ANO6: variants seen among roughly 807,000 people sequenced by gnomAD.
ANO6 encodes the protein anoctamin-6.
In ANO6, 106 loss-of-function variants were observed where a neutral mutation model predicts 117.5. The observed-to-expected ratio is 0.90, with a 90% CI of 0.77 to 1.06. The LOEUF (loss-of-function observed/expected upper bound fraction) is 1.06. Ranked by LOEUF, ANO6 falls within the 50% of genes least tolerant of loss-of-function variation. ANO6 has a pLI of 0.00. For synonymous variants in ANO6, 367 were observed against 385.1 expected (o/e 0.95, Z 0.55); for missense variants, 955 against 1,121.1 (o/e 0.85, Z 2.12).
intron 1 of ANO6, among the ~76,000 whole-genome samples, chr12:45,269,015 G>A (rs1305871128): frequency 6.6e-6 from 1 of 152,140 alleles, no homozygotes; most frequent in Non-Finnish European, 1.5e-5. Context: ...ACGCCTGGCC[G>A]CTCATTGGAT....
chr12:45,216,234 C>T lies in ANO6; in HGVS notation c.-88C>T. On this transcript the variant is annotated 5_prime_UTR_variant, in exon 1 of 20. Transcript: ENST00000320560. Reference sequence around the variant, plus strand: ...CAAGCGACACACGCCCCGCGGTCCCCGATCCGGCCCCTGGGAGAGCCGCGC... The same window carrying T: ...CAAGCGACACACGCCCCGCGGTCCCTGATCCGGCCCCTGGGAGAGCCGCGC... 1 of 1,467,162 alleles carries T rather than the reference C, an allele frequency of 6.8e-7. No individual in the cohort carries two copies. Among genetic ancestry groups the T allele is most frequent in the Non-Finnish European group, 9.3e-7 (1 of 1,071,736 alleles). The allele number at this position is 1,467,162 out of a possible 1,614,324, so 90.9% of individuals were successfully genotyped here.
At chr12:45,227,262 A>G (rs1592839474) in intron 1 of ANO6, among the ~76,000 whole-genome samples, 1 of 152,306 alleles carries the variant, frequency 6.6e-6, no homozygotes, top group East Asian at 1.9e-4. Flanking sequence ...AGTGATACCC[A>G]TAGTAAAGAA....
In ANO6 at chr12:45,432,316, A is replaced by G. The variant is rs1181445177; in HGVS notation, c.*3005A>G. ...TGCATTTTAATATTCTTTTATAATT[A>G]TGAGCATTTTAATAAATTCATTTTT... On this transcript the variant is annotated 3_prime_UTR_variant, in exon 20 of 20. Coordinates refer to ENST00000320560, the MANE Select transcript of ANO6 (RefSeq NM_001025356.3). 6.7e-6 allele frequency: 6 copies of G among 889,278 alleles called. No homozygotes were observed. The highest frequency in any genetic ancestry group is 8.1e-6 in the Non-Finnish European group (6 of 744,030). 55.1% of individuals were successfully genotyped at this position (889,278 alleles called of 1,614,324 possible).
chr12:45,334,831 T>C (rs759050290), intron 3 of ANO6, among the ~76,000 whole-genome samples: 4 of 152,054 alleles, frequency 2.6e-5, no homozygotes, highest in East Asian at 3.9e-4. Flanking sequence ...CAAATTCCCA[T>C]ATATTTCTCC....
intron 1 of ANO6, among the ~76,000 whole-genome samples, chr12:45,218,936 C>T (rs1403989471): frequency 1.3e-5 from 2 of 152,120 alleles, no homozygotes; most frequent in African/African-American, 2.4e-5. Context: ...CTTTATAATT[C>T]AGACTGGGAG....
chr12:45,270,362 T>A (rs1378452517), intron 1 of ANO6: 2 of 1,373,030 alleles, frequency 1.5e-6, no homozygotes, highest in East Asian at 5.8e-5. Context: ...GTCCTTGTTG[T>A]TACAGAGGCA....
In ANO6 at chr12:45,293,028, T is replaced by C. The variant is rs1939155878; in HGVS notation, c.71-8986T>C. On this transcript the variant is annotated intron_variant, in intron 1 of 19. Transcript: ENST00000320560. ...CTTTTTTATAAATATTGTCCAAATA[T>C]TTGATGAGTATTTGGTCTTGAAGGG... 11 of 1,512,130 alleles carry C rather than the reference T, an allele frequency of 7.3e-6. No homozygotes were observed. The South Asian group carries it at 1.4e-4, about 19-fold the overall frequency. The allele number at this position is 1,512,130 out of a possible 1,614,324, so 93.7% of individuals were successfully genotyped here.
intron 2 of ANO6, among the ~76,000 whole-genome samples, chr12:45,328,712 T>C (rs1237391516): frequency 3.3e-5 from 5 of 152,158 alleles, no homozygotes; most frequent in Non-Finnish European, 7.4e-5. Flanking sequence ...TACTGAAAAA[T>C]AGAAGATTCC....
chr12:45,328,463 A>AT (rs1274382308), intron 2 of ANO6, among the ~76,000 whole-genome samples: 2 of 151,996 alleles, frequency 1.3e-5, no homozygotes, highest in Admixed American at 1.3e-4. Flanking sequence ...TCTCTGCAAT[A>AT]TTTTTGCACC....
At chr12:45,222,947 C>T (rs181677029) in intron 1 of ANO6, among the ~76,000 whole-genome samples, 2 of 152,302 alleles carry the variant, frequency 1.3e-5, no homozygotes, top group African/African-American at 4.8e-5. Context: ...CATGACTATC[C>T]AATGAAGTCT....
At chr12:45,367,663 T>C (rs769270978) in intron 8 of ANO6, 25 bp from the exon 9 acceptor site, 1 of 1,591,802 alleles carries the variant, frequency 6.3e-7, no homozygotes, top group South Asian at 1.1e-5. Context: ...TTTTTTAAAA[T>C]TAAGTTTTAT....
chr12:45,254,714 T>C (rs985810673), intron 1 of ANO6, among the ~76,000 whole-genome samples: 7 of 152,240 alleles, frequency 4.6e-5, no homozygotes, highest in Non-Finnish European at 7.3e-5. Flanking sequence ...TGGATACTTA[T>C]GATTAAATGG....
intron 16 of ANO6, among the ~76,000 whole-genome samples, chr12:45,414,833 G>A (rs1375221731): frequency 2.0e-5 from 3 of 152,100 alleles, no homozygotes; most frequent in Admixed American, 6.5e-5. Flanking sequence ...GCACAATCCC[G>A]GCTCACTGCA....
rs118191059 is a variant in ANO6, at chr12:45,291,023, G to A, written c.71-10991G>A. 5.5e-3 allele frequency among the ~76,000 whole-genome samples: 835 copies of A among 152,254 alleles called. 3 individuals carry two copies. The highest frequency in any genetic ancestry group is 0.027 in the Middle Eastern group (8 of 294). On this transcript the variant is annotated intron_variant, in intron 1 of 19. Transcript: ENST00000320560. ...CAACTGGTTTTTGAAAAGCGTGCCA[G>A]ATACACTCAATGAGGAAAGAAGAGT...
At chr12:45,343,564 T>G (rs1472034362) in intron 3 of ANO6, among the ~76,000 whole-genome samples, 1 of 152,220 alleles carries the variant, frequency 6.6e-6, no homozygotes, top group Non-Finnish European at 1.5e-5. Context: ...TCTAACACGT[T>G]TTCCCTAGTT....
chr12:45,306,472 G>A (rs915306166), intron 2 of ANO6, among the ~76,000 whole-genome samples: 1 of 152,074 alleles, frequency 6.6e-6, no homozygotes, highest in African/African-American at 2.4e-5. Context: ...ACAAATATAT[G>A]TCCCATTAAT....
chr12:45,395,792 C>G (rs1942594822), intron 12 of ANO6, among the ~76,000 whole-genome samples: 1 of 152,148 alleles, frequency 6.6e-6, no homozygotes, highest in Non-Finnish European at 1.5e-5. Context: ...AATTCAATAG[C>G]CCTTCCTGCT....
chr12:45,280,294 T>C (rs1210573639), intron 1 of ANO6, among the ~76,000 whole-genome samples: 1 of 152,188 alleles, frequency 6.6e-6, no homozygotes, highest in African/African-American at 2.4e-5. Flanking sequence ...ACCGTGACTT[T>C]GAGTGACGAG....
chr12:45,329,793 A>T (rs1009972197), intron 2 of ANO6, among the ~76,000 whole-genome samples: 1 of 152,100 alleles, frequency 6.6e-6, no homozygotes, highest in Admixed American at 6.6e-5. Context: ...ATTTTCCTCT[A>T]GCAATAGCCC....
Sources: gnomAD v4.1 joint callset for allele counts (sites outside exome capture counted in the v4.1 genomes callset) on GRCh38, gnomAD v4.1.1 for gene constraint, MANE v1.5 for transcripts, NCBI Gene and HGNC (gene_info 2026-07-23, HGNC 2026-07-21) for gene names.